The following CRYBA1 variants were observed in gnomAD, a reference collection of about 807,000 sequenced individuals.
The protein encoded by CRYBA1 is crystallin beta A1, also known as beta-crystallin A3.
CRYBA1 carries 25 observed loss-of-function variants against 36.2 expected under a neutral mutation model. That is an observed-to-expected ratio of 0.69 (90% confidence interval 0.50 to 0.97). CRYBA1 has a LOEUF of 0.97. Ranked by LOEUF, CRYBA1 falls within the 50% of genes least tolerant of loss-of-function variation. The probability of loss-of-function intolerance (pLI) is 0.00; values close to 1 mark genes in which losing one functional copy is unlikely to be tolerated. For missense variants in CRYBA1, 224 were observed against 276.3 expected, an observed-to-expected ratio of 0.81 and a Z score of 1.34; for synonymous variants, 111 against 90.0, an observed-to-expected ratio of 1.23 and a Z score of -1.32.
chr17:29,249,343 C>T, intron 2 of CRYBA1, 137 bp downstream of exon 2: 1 of 652,882 alleles, frequency 1.5e-6, no homozygotes, highest in East Asian at 2.6e-5. Flanking sequence ...ACACAAGCTC[C>T]AGTGCTGTCG....
chr17:29,248,015 C>T (rs982506213), intron 1 of CRYBA1, among the ~76,000 whole-genome samples: 1 of 151,920 alleles, frequency 6.6e-6, no homozygotes, highest in African/African-American at 2.4e-5. Flanking sequence ...ACTAGGGAGG[C>T]TGAGACAGGA....
chr17:29,252,938 T>C (rs1243863262), intron 4 of CRYBA1, among the ~76,000 whole-genome samples: 6 of 152,232 alleles, frequency 3.9e-5, no homozygotes, highest in Non-Finnish European at 8.8e-5. Context: ...TAGTTGCCTG[T>C]CTGGAAATTA....
intron 1 of CRYBA1, 56 bp from the exon 2 acceptor site, chr17:29,249,086 C>T: frequency 8.4e-7 from 1 of 1,190,194 alleles, no homozygotes; most frequent in Non-Finnish European, 1.3e-6. Context: ...AAGGCATTCC[C>T]TCACCTCCCC....
chr17:29,253,633 A>G lies in CRYBA1; in HGVS notation c.358-7A>G, dbSNP rs2068949298. On this transcript the variant is annotated splice_region_variant and splice_polypyrimidine_tract_variant and intron_variant, in intron 4 of 5. Transcript: ENST00000225387. ...CTAAACATTTTAAAACAATTTCTGA[A>G]TTACAGAATCATAAGGAGTCTAAGA... is the stretch of plus-strand genomic sequence containing the variant. 2 of 1,609,768 alleles carry G rather than the reference A, an allele frequency of 1.2e-6. No individual in the cohort carries two copies. Among genetic ancestry groups the G allele is most frequent in the Admixed American group, 3.3e-5 (2 of 59,980 alleles).
chr17:29,253,641 A>G lies in CRYBA1; in HGVS notation c.359A>G (p.Asn120Ser). 1 of 1,612,676 alleles carries G rather than the reference A, an allele frequency of 6.2e-7. No individual in the cohort carries two copies. Among genetic ancestry groups the G allele is most frequent in the Non-Finnish European group, 8.5e-7 (1 of 1,178,656 alleles). Residue 120 changes from asparagine (N) to serine (S), a missense_variant and splice_region_variant, in exon 5 of 6, where the codon AAT becomes AGT. Physicochemically the swap from Asn to Ser is conservative, Grantham distance 46 (BLOSUM62 1). Coordinates refer to ENST00000225387, the MANE Select transcript of CRYBA1 (RefSeq NM_005208.5). ...TTTAAAACAATTTCTGAATTACAGA[A>G]TCATAAGGAGTCTAAGATGACCATC... ...LMSFRPICSA[N>S]HKESKMTIFE...
At chr17:29,253,812 T>C (rs1336840575) in intron 5 of CRYBA1, 30 bp downstream of exon 5, 2 of 1,613,438 alleles carry the variant, frequency 1.2e-6, no homozygotes, top group Admixed American at 1.7e-5. Context: ...TGGAATATAC[T>C]TCAAAGTAAC....
At chr17:29,251,812 C>T (rs190129707) in intron 3 of CRYBA1, among the ~76,000 whole-genome samples, 4 of 152,340 alleles carry the variant, frequency 2.6e-5, no homozygotes, top group Admixed American at 2.6e-4. Flanking sequence ...TTTGCTAATA[C>T]ACTTCACTCA....
At chr17:29,253,198 GTC>G (rs1164856565) in intron 4 of CRYBA1, among the ~76,000 whole-genome samples, 3 of 152,130 alleles carry the variant, frequency 2.0e-5, no homozygotes, top group African/African-American at 7.2e-5. Context: ...ATACAGGTTA[GTC>G]TCTGTCTTTT....
intron 1 of CRYBA1, among the ~76,000 whole-genome samples, chr17:29,248,478 C>T (rs1245751377): frequency 6.6e-5 from 10 of 151,240 alleles, no homozygotes; most frequent in African/African-American, 1.9e-4. Context: ...GATTCTCCTG[C>T]CTCAGCCTCC....
At position 29,252,117 on chromosome 17, in the gene CRYBA1, G is replaced by A. The variant is rs770370888; in HGVS notation, c.269G>A (p.Arg90Lys). ...SFCGQQFILE[R>K]GEYPRWDAWS... ...TGTGGGCAACAGTTTATCCTGGAGA[G>A]AGGAGAATACCCTCGCTGGGATGCC... The change falls in exon 4 of 6, where the codon AGA becomes AAA. Residue 90 changes from arginine to lysine, a missense_variant. Arg to Lys is a conservative substitution (Grantham distance 26). Transcript: ENST00000225387. 9 of 1,614,192 alleles carry A rather than the reference G, an allele frequency of 5.6e-6. No homozygotes were observed. The South Asian group carries it at 9.9e-5, about 18-fold the overall frequency.
chr17:29,252,293 G>T, intron 4 of CRYBA1, 88 bp downstream of exon 4: 2 of 1,547,530 alleles, frequency 1.3e-6, no homozygotes, highest in Non-Finnish European at 1.8e-6. Context: ...TTTATCATCA[G>T]TTATGCTGAA....
At chr17:29,246,974 C>T in intron 1 of CRYBA1, 80 bp downstream of exon 1, 1 of 1,470,264 alleles carries the variant, frequency 6.8e-7, no homozygotes, top group African/African-American at 1.4e-5. Context: ...CCCAGTTCTC[C>T]TGCCTAGTGT....
At chr17:29,252,552 C>T (rs926956388) in intron 4 of CRYBA1, among the ~76,000 whole-genome samples, 4 of 152,110 alleles carry the variant, frequency 2.6e-5, no homozygotes, top group Non-Finnish European at 4.4e-5. Flanking sequence ...AACATTTTTA[C>T]TGCAGAAACA....
Position 29,250,248 on chromosome 17 carries a change from G to A in CRYBA1, c.163G>A (p.Val55Ile). The change falls in exon 3 of 6, where the codon GTC becomes ATC. Residue 55 changes from valine to isoleucine, a missense_variant. Coordinates refer to ENST00000225387, the MANE Select transcript of CRYBA1 (RefSeq NM_005208.5). ...RMEFTSSCPN[V>I]SERSFDNVRS... ...GGAGTTCACCAGCTCCTGTCCAAAT[G>A]TCTCTGAGCGCAGTTTTGATAATGT... 1 of 1,613,876 alleles carries A rather than the reference G, an allele frequency of 6.2e-7. No homozygotes were observed. Among genetic ancestry groups the A allele is most frequent in the Non-Finnish European group, 8.5e-7 (1 of 1,179,744 alleles).
chr17:29,249,032 C>G, intron 1 of CRYBA1, 110 bp from the exon 2 acceptor site: 1 of 786,924 alleles, frequency 1.3e-6, no homozygotes, highest in Non-Finnish European at 2.3e-6. Flanking sequence ...GCCAGAATTT[C>G]AACCAAAGTC....
intron 3 of CRYBA1, 101 bp from the exon 4 acceptor site, chr17:29,251,963 T>C (rs1239196728): frequency 2.0e-6 from 3 of 1,475,932 alleles, no homozygotes; most frequent in Non-Finnish European, 1.9e-6. Flanking sequence ...ATTGGCTTGA[T>C]ATTTTACCCC....
intron 1 of CRYBA1, 111 bp downstream of exon 1, chr17:29,247,005 T>C: frequency 1.7e-6 from 2 of 1,207,268 alleles, no homozygotes; most frequent in Admixed American, 2.0e-5. Flanking sequence ...CTAGGGTGGC[T>C]GGAGAAGAGT....
rs759065311 is a variant in CRYBA1 at position 29,249,121 on chromosome 17, C to T, written c.32-21C>T. On this transcript the variant is annotated intron_variant, in intron 1 of 5. Coordinates refer to ENST00000225387, the MANE Select transcript of CRYBA1 (RefSeq NM_005208.5). ...CCTCCTCCCAAGAGGCCACATCATT[C>T]GTGTGTGCTCTGTCTTCCAGAAACC... 34 of 1,569,838 alleles carry T rather than the reference C, an allele frequency of 2.2e-5. 1 individual carries two copies. The highest frequency in any genetic ancestry group is 6.7e-5 in the Admixed American group (4 of 59,930).
chr17:29,252,427 G>A (rs1288729401), intron 4 of CRYBA1, among the ~76,000 whole-genome samples: 1 of 152,152 alleles, frequency 6.6e-6, no homozygotes, highest in Admixed American at 6.5e-5. Context: ...TCTTACAAGT[G>A]GCAATAAGTG....
Sources: gnomAD v4.1 joint callset for allele counts (sites outside exome capture counted in the v4.1 genomes callset) on GRCh38, gnomAD v4.1.1 for gene constraint, MANE v1.5 for transcripts, NCBI Gene and HGNC (gene_info 2026-07-23, HGNC 2026-07-21) for gene names.